The following MAST4 variants were observed in gnomAD, a reference collection of about 807,000 sequenced individuals.
MAST4 encodes the protein microtubule-associated serine/threonine-protein kinase 4.
Under a neutral mutation model 162.7 loss-of-function variants are expected in MAST4, and 89 were observed. The ratio of observed to expected loss-of-function variants is 0.55; its 90% CI spans 0.46 to 0.65. The LOEUF is 0.65. Ranked by LOEUF, MAST4 falls within the 30% of genes least tolerant of loss-of-function variation. MAST4 has a pLI of 0.00. For synonymous variants in MAST4, 1,479 were observed against 1,361.1 expected (o/e 1.09, Z -1.91); for missense variants, 3,153 against 3,374.0 (o/e 0.93, Z 1.62).
intron 3 of MAST4, among the ~76,000 whole-genome samples, chr5:66,789,909 T>G (rs556608768): frequency 3.0e-4 from 46 of 152,038 alleles, no homozygotes; most frequent in Admixed American, 5.2e-4. Flanking sequence ...TAAATATGTG[T>G]GTATTTGTTA....
At chr5:66,746,960 T>A (rs1261338721) in intron 1 of MAST4, among the ~76,000 whole-genome samples, 1 of 152,094 alleles carries the variant, frequency 6.6e-6, no homozygotes, top group Non-Finnish European at 1.5e-5. Flanking sequence ...TAGCTTTATT[T>A]TTTTTTTTAA....
At chr5:66,921,022 G>A (rs989513477) in intron 4 of MAST4, among the ~76,000 whole-genome samples, 2 of 152,086 alleles carry the variant, frequency 1.3e-5, no homozygotes, top group Non-Finnish European at 2.9e-5. Flanking sequence ...GGACCAAGAT[G>A]CCCAAAAAGC....
chr5:66,997,908 G>C (rs753888923), intron 4 of MAST4, among the ~76,000 whole-genome samples: 14 of 152,140 alleles, frequency 9.2e-5, no homozygotes, highest in Non-Finnish European at 2.1e-4. Flanking sequence ...CATATCTTCC[G>C]ATGTGTGGAA....
intron 4 of MAST4, among the ~76,000 whole-genome samples, chr5:66,997,357 G>A (rs907296402): frequency 6.6e-6 from 1 of 151,390 alleles, no homozygotes; most frequent in African/African-American, 2.4e-5. Flanking sequence ...TACCAACATT[G>A]AGTATTATCT....
At chr5:67,077,627 CACTTT>C (rs1761818937) in intron 5 of MAST4, among the ~76,000 whole-genome samples, 1 of 152,218 alleles carries the variant, frequency 6.6e-6, no homozygotes, top group Non-Finnish European at 1.5e-5. Context: ...CAGATTACTT[CACTTT>C]ACTTAAGTGT....
At chr5:66,919,103 C>CACACACAA (rs2150038296) in intron 4 of MAST4, among the ~76,000 whole-genome samples, 1 of 136,110 alleles carries the variant, frequency 7.3e-6, no homozygotes, top group East Asian at 2.0e-4. Context: ...ACTCTCAACA[C>CACACACAA]ACACACACAC....
chr5:66,801,203 G>A (rs1285204042), intron 3 of MAST4, among the ~76,000 whole-genome samples: 2 of 152,166 alleles, frequency 1.3e-5, no homozygotes, highest in East Asian at 3.9e-4. Context: ...TAACAGGCCT[G>A]TGTATCTCCA....
At chr5:66,955,576 A>G (rs913191791) in intron 4 of MAST4, among the ~76,000 whole-genome samples, 1 of 152,202 alleles carries the variant, frequency 6.6e-6, no homozygotes, top group Non-Finnish European at 1.5e-5. Flanking sequence ...CTATTACCCA[A>G]GTTTAATAAA....
At chr5:66,917,988 T>C (rs1236611517) in intron 4 of MAST4, among the ~76,000 whole-genome samples, 2 of 152,116 alleles carry the variant, frequency 1.3e-5, no homozygotes, top group Non-Finnish European at 2.9e-5. Context: ...AAAAATTTAA[T>C]ATTTCTCAGT....
intron 3 of MAST4, among the ~76,000 whole-genome samples, chr5:66,845,701 A>G (rs1392904672): frequency 6.6e-6 from 1 of 152,134 alleles, no homozygotes; most frequent in Non-Finnish European, 1.5e-5. Context: ...TGTCTTTCAC[A>G]ATGGTTGAAC....
At chr5:66,891,464 A>G (rs145986888) in intron 3 of MAST4, among the ~76,000 whole-genome samples, 7 of 152,260 alleles carry the variant, frequency 4.6e-5, no homozygotes, top group South Asian at 2.1e-4. Context: ...TGCCAGAGTA[A>G]TCTTTTTTAA....
chr5:66,982,386 C>T (rs957776868), intron 4 of MAST4, among the ~76,000 whole-genome samples: 2 of 152,066 alleles, frequency 1.3e-5, no homozygotes, highest in Admixed American at 6.6e-5. Context: ...GATGTAATAT[C>T]GAGTGATCTG....
intron 4 of MAST4, among the ~76,000 whole-genome samples, chr5:67,008,632 G>T (rs1222170122): frequency 6.6e-6 from 1 of 152,182 alleles, no homozygotes; most frequent in African/African-American, 2.4e-5. Flanking sequence ...CAACCTTGAT[G>T]ATGCCTAAAT....
chr5:66,816,332 C>T (rs1488412619), intron 3 of MAST4, among the ~76,000 whole-genome samples: 3 of 152,088 alleles, frequency 2.0e-5, no homozygotes, highest in Non-Finnish European at 4.4e-5. Context: ...AAAGACTGGG[C>T]ACCCCTGTTC....
chr5:66,726,662 C>A (rs1230123554), intron 1 of MAST4, among the ~76,000 whole-genome samples: 1 of 152,090 alleles, frequency 6.6e-6, no homozygotes. Flanking sequence ...CTTACTGGTC[C>A]ATGGCCTCTT....
At chr5:66,734,057 T>C (rs554006474) in intron 1 of MAST4, among the ~76,000 whole-genome samples, 1 of 152,366 alleles carries the variant, frequency 6.6e-6, no homozygotes, top group East Asian at 1.9e-4. Context: ...TTCTGTTACC[T>C]TGCTTTTTAC....
chr5:67,150,323 G>A (rs1346611526), intron 24 of MAST4, among the ~76,000 whole-genome samples: 2 of 152,214 alleles, frequency 1.3e-5, no homozygotes, highest in African/African-American at 4.8e-5. Context: ...AATGGGACTC[G>A]AATTATATTG....
chr5:66,780,537 G>A (rs1032051351), intron 2 of MAST4, among the ~76,000 whole-genome samples: 1 of 152,200 alleles, frequency 6.6e-6, no homozygotes, highest in Non-Finnish European at 1.5e-5. Context: ...GCTCTTAAAG[G>A]TCGTGCGGAC....
At chr5:67,125,248 T>G (rs978404088) in intron 14 of MAST4, among the ~76,000 whole-genome samples, 6 of 151,426 alleles carry the variant, frequency 4.0e-5, no homozygotes, top group Non-Finnish European at 8.8e-5. Flanking sequence ...CTTTTTTGGT[T>G]CTTTTTTTTT....
Sources: allele counts gnomAD v4.1 joint callset (sites outside exome capture counted in the v4.1 genomes callset), GRCh38; gene constraint gnomAD v4.1.1; transcripts MANE v1.5; gene names NCBI Gene and HGNC (gene_info 2026-07-23, HGNC 2026-07-21).